RSRC1: variants seen among roughly 807,000 people sequenced by gnomAD.
RSRC1 encodes the protein serine/Arginine-related protein 53.
Under a neutral mutation model 49.1 loss-of-function variants are expected in RSRC1, and 39 were observed. The ratio of observed to expected loss-of-function variants is 0.79; its 90% CI spans 0.61 to 1.04. The LOEUF is 1.04. Among genes scored for constraint, RSRC1 ranks in the 50% least tolerant of loss-of-function variants. The pLI is 0.00. For missense variants in RSRC1, 388 were observed against 402.4 expected, an observed-to-expected ratio of 0.96 and a Z score of 0.31; for synonymous variants, 143 against 130.8, an observed-to-expected ratio of 1.09 and a Z score of -0.63.
At chr3:158,435,244 G>A (rs926608768) in intron 6 of RSRC1, among the ~76,000 whole-genome samples, 10 of 151,546 alleles carry the variant, frequency 6.6e-5, no homozygotes, top group Non-Finnish European at 1.3e-4. Context: ...TACTACACAA[G>A]CATTCTGCTG....
chr3:158,165,319 A>G (rs753667962), intron 3 of RSRC1, among the ~76,000 whole-genome samples: 11 of 152,236 alleles, frequency 7.2e-5, no homozygotes, highest in Admixed American at 3.9e-4. Context: ...TGATAGTTGC[A>G]TAATTATTTC....
At chr3:158,293,659 A>G (rs1727074289) in intron 4 of RSRC1, among the ~76,000 whole-genome samples, 1 of 152,002 alleles carries the variant, frequency 6.6e-6, no homozygotes, top group African/African-American at 2.4e-5. Context: ...GAATTTATTT[A>G]TCTTCTTACC....
At chr3:158,345,563 C>A (rs1439242147) in intron 5 of RSRC1, among the ~76,000 whole-genome samples, 1 of 151,804 alleles carries the variant, frequency 6.6e-6, no homozygotes, top group Non-Finnish European at 1.5e-5. Context: ...GAAAAAAGGA[C>A]AACTTTATTC....
intron 6 of RSRC1, among the ~76,000 whole-genome samples, chr3:158,458,574 A>G (rs6775960): frequency 0.086 from 13,105 of 152,152 alleles, 1,931 homozygotes; most frequent in African/African-American, 0.3. Flanking sequence ...TAGAGGGGAC[A>G]GTTAGCCGGG....
At position 158,321,177 on chromosome 3, in the gene RSRC1, C is replaced by G. The variant is rs558333467; in HGVS notation, c.531+23102C>G. Among the ~76,000 whole-genome samples, 3 of 151,960 alleles carry G rather than the reference C, an allele frequency of 2.0e-5. No homozygotes were observed. The South Asian group carries it at 6.3e-4, about 32-fold the overall frequency. On this transcript the variant is annotated intron_variant, in intron 5 of 9. Transcript: ENST00000611884. ...TTCTTCTGTGTCCATGCCTCACCCT[C>G]AACCTCTCTTTCCTTCTTTATGTTT...
intron 6 of RSRC1, among the ~76,000 whole-genome samples, chr3:158,379,617 C>T (rs1732584124): frequency 6.6e-6 from 1 of 152,040 alleles, no homozygotes; most frequent in South Asian, 2.1e-4. Context: ...ATCACATTCA[C>T]CTTCTTAGTA....
intron 3 of RSRC1, among the ~76,000 whole-genome samples, chr3:158,155,247 A>G (rs1397881208): frequency 1.3e-5 from 2 of 152,184 alleles, no homozygotes; most frequent in Non-Finnish European, 2.9e-5. Context: ...AGAAGTCACT[A>G]TCTATGGCAG....
At chr3:158,321,469 C>T (rs1242318732) in intron 5 of RSRC1, among the ~76,000 whole-genome samples, 1 of 151,484 alleles carries the variant, frequency 6.6e-6, no homozygotes, top group Non-Finnish European at 1.5e-5. Context: ...ACATTGTAAT[C>T]ACATATGCAA....
intron 6 of RSRC1, among the ~76,000 whole-genome samples, chr3:158,413,628 T>C (rs1021143227): frequency 3.6e-5 from 5 of 138,280 alleles, no homozygotes; most frequent in African/African-American, 1.4e-4. Flanking sequence ...ACAAGAAACG[T>C]AAACAAAATT....
chr3:158,143,612 C>T (rs1716884331), intron 3 of RSRC1, among the ~76,000 whole-genome samples: 6 of 151,956 alleles, frequency 3.9e-5, no homozygotes, highest in Admixed American at 3.9e-4. Context: ...TTTTTTTAGG[C>T]AATAGTGATT....
intron 4 of RSRC1, among the ~76,000 whole-genome samples, chr3:158,250,012 A>G (rs80016303): frequency 0.029 from 4,374 of 152,140 alleles, 158 homozygotes; most frequent in African/African-American, 0.093. Context: ...TACTCTCTCC[A>G]TGAATTCAAT....
In RSRC1 at chr3:158,348,356, T is replaced by G. The variant is rs542227246; in HGVS notation, c.532-6501T>G. Among the ~76,000 whole-genome samples the G allele has an allele frequency of 3.3e-5, 5 of 152,326 alleles. No individual in the cohort carries two copies. The South Asian group carries it at 1.0e-3, about 32-fold the overall frequency. Reference sequence around the variant, plus strand: ...ATAGGCTTCTCTCTTATCATTAATATACACTCATGGGTGGCTCAAAGGATT... The same window carrying G: ...ATAGGCTTCTCTCTTATCATTAATAGACACTCATGGGTGGCTCAAAGGATT... On this transcript the variant is annotated intron_variant, in intron 5 of 9. Transcript: ENST00000611884.
intron 5 of RSRC1, among the ~76,000 whole-genome samples, chr3:158,304,269 A>G (rs1213929830): frequency 6.6e-6 from 1 of 152,182 alleles, no homozygotes; most frequent in Non-Finnish European, 1.5e-5. Context: ...ATCAATAACT[A>G]TCAGGTTCCA....
rs1328928757 is a variant in RSRC1 at position 158,262,422 on chromosome 3, C to T, written c.495-35617C>T. Among the ~76,000 whole-genome samples the T allele has an allele frequency of 2.0e-5, 3 of 152,104 alleles. No individual in the cohort carries two copies. The East Asian group carries it at 5.8e-4, about 29-fold the overall frequency. ...GCCTTTGTATCTTCGTAAAAAAAAT[C>T]AGTTGTTCACAAATGTGTGGGTTCA... On this transcript the variant is annotated intron_variant, in intron 4 of 9. Transcript: ENST00000611884.
At chr3:158,532,219 A>G (rs1286721086) in intron 7 of RSRC1, among the ~76,000 whole-genome samples, 1 of 151,862 alleles carries the variant, frequency 6.6e-6, no homozygotes, top group Non-Finnish European at 1.5e-5. Context: ...CATCTTTGGG[A>G]AAATTCATAA....
chr3:158,131,848 CA>C (rs1458143705), intron 3 of RSRC1, among the ~76,000 whole-genome samples: 2 of 151,178 alleles, frequency 1.3e-5, no homozygotes, highest in African/African-American at 2.4e-5. Context: ...GAACAAGTAA[CA>C]AATATTTATT....
intron 5 of RSRC1, among the ~76,000 whole-genome samples, chr3:158,335,000 T>C (rs1463906649): frequency 6.6e-6 from 1 of 152,142 alleles, no homozygotes; most frequent in Admixed American, 6.5e-5. Flanking sequence ...GAGAGAATTT[T>C]CTATTTCATC....
At chr3:158,311,565 C>T (rs1728128578) in intron 5 of RSRC1, among the ~76,000 whole-genome samples, 1 of 151,750 alleles carries the variant, frequency 6.6e-6, no homozygotes, top group Non-Finnish European at 1.5e-5. Context: ...CTCCCTACTC[C>T]CCTTTTCCTC....
At chr3:158,417,106 T>C (rs1734778711) in intron 6 of RSRC1, among the ~76,000 whole-genome samples, 1 of 152,054 alleles carries the variant, frequency 6.6e-6, no homozygotes, top group Non-Finnish European at 1.5e-5. Flanking sequence ...CTCTTTTAGG[T>C]AGGCTGCATC....
Sources: allele counts gnomAD v4.1 joint callset (sites outside exome capture counted in the v4.1 genomes callset), GRCh38; gene constraint gnomAD v4.1.1; transcripts MANE v1.5; gene names NCBI Gene and HGNC (gene_info 2026-07-23, HGNC 2026-07-21).